The following TBCK variants were observed in gnomAD, a reference collection of about 807,000 sequenced individuals.
The protein encoded by TBCK is TBC domain-containing protein kinase-like protein.
TBCK carries 99 observed loss-of-function variants against 113.4 expected under a neutral mutation model. The ratio of observed to expected loss-of-function variants is 0.87; its 90% CI spans 0.74 to 1.03. TBCK has a LOEUF of 1.03. TBCK is among the 50% of genes least tolerant of loss of function. TBCK has a pLI of 0.00. For synonymous variants in TBCK, 369 were observed against 370.8 expected, an observed-to-expected ratio of 1.00 and a Z score of 0.05; for missense variants, 1,045 against 1,061.3, an observed-to-expected ratio of 0.98 and a Z score of 0.21.
chr4:106,282,828 C>T (rs946083040), intron 3 of TBCK, among the ~76,000 whole-genome samples: 19 of 152,044 alleles, frequency 1.2e-4, no homozygotes, highest in Admixed American at 2.6e-4. Context: ...GAGACAGAAA[C>T]ACATGACAAG....
chr4:106,233,894 C>A (rs77693474), intron 15 of TBCK, among the ~76,000 whole-genome samples: 2 of 151,988 alleles, frequency 1.3e-5, no homozygotes, highest in Non-Finnish European at 2.9e-5. Context: ...ATTATACATA[C>A]CAGAACATAA....
chr4:106,180,220 T>A (rs1249957321), intron 22 of TBCK, among the ~76,000 whole-genome samples: 1 of 151,986 alleles, frequency 6.6e-6, no homozygotes, highest in East Asian at 1.9e-4. Flanking sequence ...TTTAATTGGA[T>A]AAATTAAACC....
chr4:106,186,955 C>CAGCT (rs1753090950), intron 22 of TBCK, among the ~76,000 whole-genome samples: 1 of 152,140 alleles, frequency 6.6e-6, no homozygotes, highest in South Asian at 2.1e-4. Context: ...CTTCTGCATA[C>CAGCT]AGCTAGCTAG....
intron 19 of TBCK, among the ~76,000 whole-genome samples, chr4:106,214,483 T>C (rs1448197047): frequency 1.3e-5 from 2 of 150,682 alleles, no homozygotes; most frequent in African/African-American, 4.8e-5. Context: ...TTTAGAAGAA[T>C]GTATAACTAG....
At chr4:106,171,597 C>T (rs565572888) in intron 22 of TBCK, among the ~76,000 whole-genome samples, 3 of 151,598 alleles carry the variant, frequency 2.0e-5, no homozygotes, top group African/African-American at 7.3e-5. Context: ...TAGAACACAT[C>T]TCCTTATTTA....
chr4:106,307,252 T>C (rs555772217), intron 2 of TBCK, among the ~76,000 whole-genome samples: 2 of 152,336 alleles, frequency 1.3e-5, no homozygotes, highest in East Asian at 1.9e-4. Context: ...ATTGTGAACC[T>C]TGACTTAATT....
Position 106,231,305 on chromosome 4 carries a change from C to A in TBCK, c.1690+424G>T, listed in dbSNP as rs546701799. ...TAAGTATTAGAATACAAGATAGACA[C>A]AAGATAAATTTTTATAAATACAAAG... On this transcript the variant is annotated intron_variant, in intron 18 of 25. Coordinates refer to ENST00000394708, the MANE Select transcript of TBCK (RefSeq NM_001163435.3). 3.4e-4 allele frequency among the ~76,000 whole-genome samples: 51 copies of A among 151,114 alleles called. 1 individual carries two copies. Among genetic ancestry groups the A allele is most frequent in the Non-Finnish European group, 1.0e-4 (7 of 67,560 alleles).
chr4:106,238,315 T>C (rs1281569464), intron 12 of TBCK, among the ~76,000 whole-genome samples: 1 of 152,100 alleles, frequency 6.6e-6, no homozygotes, highest in Non-Finnish European at 1.5e-5. Flanking sequence ...TTGCTGGCAT[T>C]ATGGCAGACA....
intron 22 of TBCK, among the ~76,000 whole-genome samples, chr4:106,172,335 G>A (rs1351021269): frequency 6.6e-6 from 1 of 152,046 alleles, no homozygotes; most frequent in Non-Finnish European, 1.5e-5. Flanking sequence ...ACTCTATATT[G>A]TTTGTGTTTT....
intron 24 of TBCK, among the ~76,000 whole-genome samples, chr4:106,110,984 T>C (rs1035682414): frequency 9.6e-6 from 1 of 104,298 alleles, no homozygotes; most frequent in South Asian, 3.1e-4. Context: ...TTAATGCTTA[T>C]AAAGAGCTAA....
intron 19 of TBCK, among the ~76,000 whole-genome samples, chr4:106,220,271 C>T (rs1231759524): frequency 6.6e-6 from 1 of 152,154 alleles, no homozygotes; most frequent in Non-Finnish European, 1.5e-5. Context: ...CGAGATCTGA[C>T]GGGTTCTTCA....
chr4:106,250,316 T>G, intron 7 of TBCK, 102 bp downstream of exon 7: 2 of 744,810 alleles, frequency 2.7e-6, no homozygotes, highest in Non-Finnish European at 4.4e-6. Context: ...GGAGGATATT[T>G]CAGTGTACTC....
intron 23 of TBCK, chr4:106,163,156 C>G (rs1318626704): frequency 6.6e-6 from 1 of 152,206 alleles, no homozygotes; most frequent in African/African-American, 2.4e-5. Context: ...TAAAGCATAG[C>G]AAGCGTGACC....
intron 22 of TBCK, among the ~76,000 whole-genome samples, chr4:106,183,861 T>C (rs1046312373): frequency 4.6e-5 from 7 of 152,078 alleles, no homozygotes; most frequent in Admixed American, 2.0e-4. Context: ...CTATACAACA[T>C]TTTTGCATTA....
chr4:106,179,852 T>C (rs995787315), intron 22 of TBCK, among the ~76,000 whole-genome samples: 1 of 152,060 alleles, frequency 6.6e-6, no homozygotes, highest in African/African-American at 2.4e-5. Flanking sequence ...AGTCCCCTTC[T>C]ATTATAACAC....
At chr4:106,109,574 T>C (rs943693159) in intron 24 of TBCK, among the ~76,000 whole-genome samples, 8 of 152,220 alleles carry the variant, frequency 5.3e-5, no homozygotes, top group African/African-American at 1.9e-4. Context: ...GCTAGTCATA[T>C]GCGGAAGATT....
At chr4:106,298,497 G>C (rs1766557317) in intron 2 of TBCK, among the ~76,000 whole-genome samples, 1 of 151,612 alleles carries the variant, frequency 6.6e-6, no homozygotes, top group Non-Finnish European at 1.5e-5. Flanking sequence ...TGTAGTCCCA[G>C]CTACTCGATG....
At position 106,204,854 on chromosome 4, in the gene TBCK, T is replaced by C. The variant is rs1331830791; in HGVS notation, c.1860+7896A>G. ...AATCTCGGCTCACTGCAAGCTCCGC[T>C]TCCCGGGTTCACGCCATTCTCCTGC... On this transcript the variant is annotated intron_variant, in intron 20 of 25. Transcript: ENST00000394708. 3.4e-5 allele frequency among the ~76,000 whole-genome samples: 5 copies of C among 145,288 alleles called. No individual in the cohort carries two copies. In the South Asian group the frequency reaches 9.1e-4, roughly 27 times the overall value.
At chr4:106,253,540 CG>C (rs1560914774) in intron 5 of TBCK, among the ~76,000 whole-genome samples, 3 of 152,228 alleles carry the variant, frequency 2.0e-5, no homozygotes, top group African/African-American at 7.2e-5. Context: ...TTTTTCAAAA[CG>C]AGTTATACCA....
Sources: gnomAD v4.1 joint callset for allele counts (sites outside exome capture counted in the v4.1 genomes callset) on GRCh38, gnomAD v4.1.1 for gene constraint, MANE v1.5 for transcripts, NCBI Gene and HGNC (gene_info 2026-07-23, HGNC 2026-07-21) for gene names.